Variants in GALK2 observed in about 807,000 individuals in gnomAD.
The protein encoded by GALK2 is galactokinase 2.
Under a neutral mutation model 52.4 loss-of-function variants are expected in GALK2, and 36 were observed. That is an observed-to-expected ratio of 0.69 (90% CI 0.53 to 0.91). The LOEUF (loss-of-function observed/expected upper bound fraction) is 0.91, where lower values mean the gene tolerates loss of function less well. Ranked by LOEUF, GALK2 falls within the 40% of genes least tolerant of loss-of-function variation. The pLI is 0.00. For synonymous variants in GALK2, 176 were observed against 199.1 expected, an observed-to-expected ratio of 0.88 and a Z score of 0.98; for missense variants, 579 against 559.1, an observed-to-expected ratio of 1.04 and a Z score of -0.36.
chr15:49,364,282 A>G (rs2044737391), intron 3 of GALK2, among the ~76,000 whole-genome samples: 1 of 152,074 alleles, frequency 6.6e-6, no homozygotes, highest in Admixed American at 6.5e-5. Flanking sequence ...TTTCTGATAC[A>G]ATTTCAGAAC....
chr15:49,223,792 A>G (rs1386254256), intron 3 of GALK2, among the ~76,000 whole-genome samples: 1 of 151,666 alleles, frequency 6.6e-6, no homozygotes, highest in Non-Finnish European at 1.5e-5. Flanking sequence ...CCCACCATTG[A>G]TGGGCACCTG....
chr15:49,268,235 C>T (rs1382268466), intron 5 of GALK2, among the ~76,000 whole-genome samples: 2 of 152,082 alleles, frequency 1.3e-5, no homozygotes, highest in Non-Finnish European at 2.9e-5. Flanking sequence ...TATCTGTACA[C>T]AGATTGTGAT....
At chr15:49,224,228 G>A (rs966340135) in intron 3 of GALK2, among the ~76,000 whole-genome samples, 5 of 152,154 alleles carry the variant, frequency 3.3e-5, no homozygotes, top group African/African-American at 1.2e-4. Flanking sequence ...AATGTTTACA[G>A]ATTCTGATAT....
chr15:49,185,973 G>A (rs1325666886), intron 1 of GALK2, among the ~76,000 whole-genome samples: 1 of 152,070 alleles, frequency 6.6e-6, no homozygotes, highest in Admixed American at 6.6e-5. Flanking sequence ...TGTGCTGACA[G>A]TTGTAATGGA....
At chr15:49,303,183 G>C (rs1464374874) in intron 8 of GALK2, among the ~76,000 whole-genome samples, 1 of 152,164 alleles carries the variant, frequency 6.6e-6, no homozygotes, top group Non-Finnish European at 1.5e-5. Context: ...TGATATCGCA[G>C]ATAACCAGGA....
chr15:49,238,745 C>T (rs16962169), intron 4 of GALK2, among the ~76,000 whole-genome samples: 9,183 of 152,076 alleles, frequency 0.06, 555 homozygotes, highest in African/African-American at 0.15. Flanking sequence ...TAAGGCACTC[C>T]TTAGAAACAA....
intron 1 of GALK2, among the ~76,000 whole-genome samples, chr15:49,160,746 T>C (rs1433180888): frequency 3.3e-5 from 5 of 152,046 alleles, no homozygotes; most frequent in African/African-American, 1.2e-4. Flanking sequence ...GGTGTGCGCC[T>C]GTAGTCCCAG....
At chr15:49,311,260 G>T (rs1370054799) in intron 8 of GALK2, among the ~76,000 whole-genome samples, 1 of 152,112 alleles carries the variant, frequency 6.6e-6, no homozygotes, top group African/African-American at 2.4e-5. Context: ...CATTCACATG[G>T]GGGAGAGAGT....
At chr15:49,160,827 T>G (rs2084628785) in intron 1 of GALK2, among the ~76,000 whole-genome samples, 1 of 151,594 alleles carries the variant, frequency 6.6e-6, no homozygotes, top group Non-Finnish European at 1.5e-5. Flanking sequence ...TGAGCTGAGA[T>G]CGTGCCACTG....
chr15:49,198,095 G>A (rs549176802), intron 1 of GALK2, among the ~76,000 whole-genome samples: 1 of 152,282 alleles, frequency 6.6e-6, no homozygotes, highest in African/African-American at 2.4e-5. Flanking sequence ...AAATTACCCA[G>A]TGCACTAACA....
In GALK2 at chr15:49,329,204, G is replaced by A. The variant is rs2038112217; in HGVS notation, c.*1045G>A. 2.0e-6 allele frequency: 2 copies of A among 986,410 alleles called. No homozygotes were observed. Among genetic ancestry groups the A allele is most frequent in the Non-Finnish European group, 2.4e-6 (2 of 830,720 alleles). The allele number at this position is 986,410 out of a possible 1,614,324, so 61.1% of individuals were successfully genotyped here. The stretch of plus-strand genomic sequence containing the variant: ...ACTATGAAAAGACTTAATGAATTCT[G>A]GGATTTGTAATGGTATTGATGGGTA... On this transcript the variant is annotated 3_prime_UTR_variant, in exon 10 of 10. Coordinates refer to ENST00000560031, the MANE Select transcript of GALK2 (RefSeq NM_002044.4).
intron 8 of GALK2, among the ~76,000 whole-genome samples, chr15:49,318,406 T>G (rs972266409): frequency 1.3e-5 from 2 of 152,178 alleles, no homozygotes; most frequent in Non-Finnish European, 2.9e-5. Flanking sequence ...TTTTTTAAAT[T>G]AAAATATACA....
intron 3 of GALK2, chr15:49,365,236 A>T: frequency 9.4e-7 from 1 of 1,069,194 alleles, no homozygotes; most frequent in Non-Finnish European, 1.5e-6. Context: ...TCATTTCCTT[A>T]CATTTCCAGG....
At chr15:49,364,643 T>C (rs2044811162) in intron 3 of GALK2, among the ~76,000 whole-genome samples, 1 of 152,220 alleles carries the variant, frequency 6.6e-6, no homozygotes, top group Non-Finnish European at 1.5e-5. Context: ...TTTATATTTC[T>C]AACCTCTGCA....
chr15:49,232,900 C>T (rs1184220615), intron 3 of GALK2, among the ~76,000 whole-genome samples: 1 of 152,144 alleles, frequency 6.6e-6, no homozygotes. Context: ...TCAAAGCAAC[C>T]GTTCAACAAG....
chr15:49,351,172 A>C (rs2042192010), intron 3 of GALK2, among the ~76,000 whole-genome samples: 1 of 152,202 alleles, frequency 6.6e-6, no homozygotes, highest in Non-Finnish European at 1.5e-5. Context: ...GTAGAGAAAT[A>C]AGAACTGCAT....
At chr15:49,162,566 G>A (rs900940415) in intron 1 of GALK2, among the ~76,000 whole-genome samples, 4 of 152,172 alleles carry the variant, frequency 2.6e-5, no homozygotes, top group African/African-American at 7.2e-5. Context: ...CTTTTTGAGC[G>A]TGAGTGGGAT....
Position 49,283,554 on chromosome 15 carries a change from T to G in GALK2, c.604-12T>G, listed in dbSNP as rs535704593. ...ATAAATTATATTTCTCCTTTCATTT[T>G]TCTTCTAACAGGCCAAGTTGATAGA... On this transcript the variant is annotated splice_polypyrimidine_tract_variant and intron_variant, in intron 6 of 9. Coordinates refer to ENST00000560031, the MANE Select transcript of GALK2 (RefSeq NM_002044.4). 1.9e-6 allele frequency: 3 copies of G among 1,596,632 alleles called. No homozygotes were observed. Among genetic ancestry groups the G allele is most frequent in the Non-Finnish European group, 2.6e-6 (3 of 1,168,864 alleles).
At chr15:49,174,894 A>G (rs2085337715) in intron 1 of GALK2, among the ~76,000 whole-genome samples, 1 of 152,226 alleles carries the variant, frequency 6.6e-6, no homozygotes, top group South Asian at 2.1e-4. Context: ...GATAGTAGAA[A>G]GAAGAGCTTT....
Sources: gnomAD v4.1 joint callset for allele counts (sites outside exome capture counted in the v4.1 genomes callset) on GRCh38, gnomAD v4.1.1 for gene constraint, MANE v1.5 for transcripts, NCBI Gene and HGNC (gene_info 2026-07-23, HGNC 2026-07-21) for gene names.